LNX1: variants seen among roughly 807,000 people sequenced by gnomAD.
LNX1 encodes E3 ubiquitin-protein ligase LNX.
In LNX1, 54 loss-of-function variants were observed where a neutral mutation model predicts 68.4. The observed-to-expected ratio is 0.79, with a 90% CI of 0.63 to 0.99. LNX1 has a LOEUF of 0.99. Ranked by LOEUF, LNX1 falls within the 50% of genes least tolerant of loss-of-function variation. LNX1 has a pLI of 0.00. For synonymous variants in LNX1, 336 were observed against 350.0 expected, an observed-to-expected ratio of 0.96 and a Z score of 0.45; for missense variants, 906 against 926.4, an observed-to-expected ratio of 0.98 and a Z score of 0.29.
intron 2 of LNX1, among the ~76,000 whole-genome samples, chr4:53,510,502 T>C (rs1465220386): frequency 6.6e-6 from 1 of 152,238 alleles, no homozygotes; most frequent in Non-Finnish European, 1.5e-5. Flanking sequence ...TTCAAATTCC[T>C]GGCTTGAATT....
At chr4:53,615,747 A>G (rs1190048274) in intron 2 of LNX1, among the ~76,000 whole-genome samples, 1 of 152,116 alleles carries the variant, frequency 6.6e-6, no homozygotes, top group Non-Finnish European at 1.5e-5. Flanking sequence ...TTATTTATTC[A>G]TTTATTTTTA....
At chr4:53,546,198 T>A (rs1246667728) in intron 2 of LNX1, among the ~76,000 whole-genome samples, 1 of 152,204 alleles carries the variant, frequency 6.6e-6, no homozygotes, top group South Asian at 2.1e-4. Context: ...CCTTTGTATA[T>A]GAAACTCTTA....
At chr4:53,601,654 C>T (rs959639308) in intron 2 of LNX1, among the ~76,000 whole-genome samples, 6 of 152,212 alleles carry the variant, frequency 3.9e-5, no homozygotes, top group Admixed American at 3.9e-4. Context: ...GAAGAGACAG[C>T]AGCTGTGCTA....
intron 1 of LNX1, among the ~76,000 whole-genome samples, chr4:53,629,533 C>A (rs1018668689): frequency 1.1e-4 from 17 of 152,228 alleles, no homozygotes; most frequent in Non-Finnish European, 2.5e-4. Flanking sequence ...TGCAGTCTGC[C>A]TTCCAAATGG....
At chr4:53,464,037 T>G (rs1560608658) in intron 9 of LNX1, among the ~76,000 whole-genome samples, 1 of 152,130 alleles carries the variant, frequency 6.6e-6, no homozygotes, top group East Asian at 1.9e-4. Context: ...TTTTAAATTT[T>G]TCATTGCTAA....
At chr4:53,504,070 G>T (rs1725695911) in intron 4 of LNX1, among the ~76,000 whole-genome samples, 1 of 152,224 alleles carries the variant, frequency 6.6e-6, no homozygotes, top group Non-Finnish European at 1.5e-5. Flanking sequence ...AGGAGGCAGA[G>T]GTTGCAGTGA....
At chr4:53,639,497 C>T (rs10027185) in intron 1 of LNX1, among the ~76,000 whole-genome samples, 49,659 of 151,908 alleles carry the variant, frequency 0.33, 8,596 homozygotes, top group East Asian at 0.58. Flanking sequence ...ATGTTAATAT[C>T]CCAGAAAAAA....
In LNX1 at chr4:53,549,895, G is replaced by C. The variant is rs139624578; in HGVS notation, c.380+23728C>G. On this transcript the variant is annotated intron_variant, in intron 2 of 10. Coordinates refer to ENST00000263925, the MANE Select transcript of LNX1 (RefSeq NM_001126328.3). Reference sequence around the variant, plus strand: ...CTTTGCCTCTTATCCGCCTGACATAGTCATGGAACTAGAAAGACAAGCACA... The same window carrying C: ...CTTTGCCTCTTATCCGCCTGACATACTCATGGAACTAGAAAGACAAGCACA... Among the ~76,000 whole-genome samples the C allele has an allele frequency of 7.5e-4, 114 of 152,268 alleles. 1 individual carries two copies. The highest frequency in any genetic ancestry group is 2.6e-3 in the African/African-American group (107 of 41,546).
At chr4:53,623,783 C>T (rs1383674052) in intron 1 of LNX1, among the ~76,000 whole-genome samples, 1 of 151,554 alleles carries the variant, frequency 6.6e-6, no homozygotes, top group Non-Finnish European at 1.5e-5. Context: ...TCTATTATTG[C>T]TGCTATTTTA....
At chr4:53,470,062 C>A (rs1473362184) in intron 9 of LNX1, among the ~76,000 whole-genome samples, 2 of 152,198 alleles carry the variant, frequency 1.3e-5, no homozygotes, top group African/African-American at 2.4e-5. Flanking sequence ...AGACCAATAT[C>A]CTGGATGAAC....
At chr4:53,563,464 G>C (rs570926138) in intron 2 of LNX1, among the ~76,000 whole-genome samples, 3 of 152,192 alleles carry the variant, frequency 2.0e-5, no homozygotes, top group South Asian at 2.1e-4. Context: ...GAGTAAGAGG[G>C]GGGCCTACTG....
chr4:53,564,210 G>T (rs1315058284), intron 2 of LNX1, among the ~76,000 whole-genome samples: 1 of 152,212 alleles, frequency 6.6e-6, no homozygotes, highest in East Asian at 1.9e-4. Flanking sequence ...GTGTGTGGGG[G>T]TCACACGGGC....
chr4:53,609,762 T>A (rs890246142), intron 2 of LNX1, among the ~76,000 whole-genome samples: 37 of 143,082 alleles, frequency 2.6e-4, no homozygotes, highest in Non-Finnish European at 4.7e-4. Context: ...TATAATATAC[T>A]ATTATATATT....
chr4:53,478,473 C>G (rs1723707524), intron 8 of LNX1, 92 bp downstream of exon 8: 6 of 1,154,846 alleles, frequency 5.2e-6, no homozygotes, highest in Non-Finnish European at 7.4e-6. Context: ...CCCACATTCT[C>G]TCATTAATTT....
At chr4:53,563,852 A>C (rs1164737090) in intron 2 of LNX1, among the ~76,000 whole-genome samples, 1 of 152,182 alleles carries the variant, frequency 6.6e-6, no homozygotes, top group Non-Finnish European at 1.5e-5. Context: ...TCAAATTCTT[A>C]ATCCTTGCCA....
intron 1 of LNX1, among the ~76,000 whole-genome samples, chr4:53,574,553 T>C (rs1022423445): frequency 1.3e-5 from 2 of 152,210 alleles, no homozygotes; most frequent in Non-Finnish European, 2.9e-5. Context: ...AGCTTTCAAC[T>C]AAGTCATCTG....
At chr4:53,559,362 G>T (rs1224341190) in intron 2 of LNX1, among the ~76,000 whole-genome samples, 1 of 152,170 alleles carries the variant, frequency 6.6e-6, no homozygotes, top group East Asian at 1.9e-4. Context: ...TCTCTGTAAG[G>T]CTGCTCTGCA....
chr4:53,520,399 G>A lies in LNX1; in HGVS notation c.381-12172C>T, dbSNP rs189253594. On this transcript the variant is annotated intron_variant, in intron 2 of 10. Transcript: ENST00000263925. The stretch of plus-strand genomic sequence containing the variant: ...TGACAGTAGTTAATGAGGGATGGTC[G>A]AGGGCTTGGGCACAGTCCACATGCC... Among the ~76,000 whole-genome samples the A allele has an allele frequency of 6.3e-4, 96 of 152,294 alleles. 2 individuals are homozygous for A. The highest frequency in any genetic ancestry group is 5.6e-3 in the Admixed American group (86 of 15,300).
chr4:53,571,768 C>T (rs1426890747), intron 2 of LNX1, among the ~76,000 whole-genome samples: 1 of 152,142 alleles, frequency 6.6e-6, no homozygotes, highest in Non-Finnish European at 1.5e-5. Flanking sequence ...TCAAGCAATC[C>T]TCCCACCTTA....
Sources: gnomAD v4.1 joint callset for allele counts (sites outside exome capture counted in the v4.1 genomes callset) on GRCh38, gnomAD v4.1.1 for gene constraint, MANE v1.5 for transcripts, NCBI Gene and HGNC (gene_info 2026-07-23, HGNC 2026-07-21) for gene names.